Variants in GRAMD1B observed in about 807,000 individuals in gnomAD.
The protein encoded by GRAMD1B is GRAM domain containing 1B, also known as protein Aster-B.
In GRAMD1B, 37 loss-of-function variants were observed where a neutral mutation model predicts 99.7. The observed-to-expected ratio is 0.37, with a 90% confidence interval of 0.29 to 0.49. The LOEUF (loss-of-function observed/expected upper bound fraction) is 0.49. Ranked by LOEUF, GRAMD1B falls within the 20% of genes least tolerant of loss-of-function variation. The pLI is 0.98. For missense variants in GRAMD1B, 888 were observed against 1,009.2 expected (o/e 0.88, Z 1.63); for synonymous variants, 427 against 387.6 (o/e 1.10, Z -1.19).
At chr11:123,475,413 A>T (rs1035794251) in intron 1 of GRAMD1B, among the ~76,000 whole-genome samples, 2 of 152,206 alleles carry the variant, frequency 1.3e-5, no homozygotes, top group Non-Finnish European at 1.5e-5. Context: ...TCCCTCAGGA[A>T]TATCCCAGAA....
intron 2 of GRAMD1B, among the ~76,000 whole-genome samples, chr11:123,483,299 G>C (rs551861359): frequency 1.3e-5 from 2 of 152,242 alleles, no homozygotes; most frequent in South Asian, 2.1e-4. Context: ...TTCCAGGTGG[G>C]ACAGCAAGCG....
At chr11:123,428,081 T>C (rs1948715615), upstream of GRAMD1B, among the ~76,000 whole-genome samples, 1 of 152,214 alleles carries the variant, frequency 6.6e-6, no homozygotes, top group African/African-American at 2.4e-5. Context: ...CATCCTTTTG[T>C]GTTTTTGGCC....
chr11:123,561,933 G>A (rs1360316114), intron 2 of GRAMD1B, among the ~76,000 whole-genome samples: 1 of 152,212 alleles, frequency 6.6e-6, no homozygotes, highest in African/African-American at 2.4e-5. Context: ...AGTGCCCCGT[G>A]AGGATTGGGG....
At chr11:123,558,591 A>G (rs743632) in intron 2 of GRAMD1B, among the ~76,000 whole-genome samples, 23,046 of 152,238 alleles carry the variant, frequency 0.15, 1,859 homozygotes, top group Admixed American at 0.21. Flanking sequence ...CCAACAAGCA[A>G]TGCAACTCAG....
At chr11:123,582,986 A>ATG (rs372476049) in intron 3 of GRAMD1B, among the ~76,000 whole-genome samples, 54 of 151,964 alleles carry the variant, frequency 3.6e-4, no homozygotes, top group African/African-American at 1.1e-3. Context: ...GAGCTTAGGC[A>ATG]TGTGTGTGTG....
chr11:123,600,585 G>C, intron 8 of GRAMD1B, 37 bp downstream of exon 8: 2 of 1,322,414 alleles, frequency 1.5e-6, no homozygotes, highest in Non-Finnish European at 2.2e-6. Flanking sequence ...TGTGGGACTG[G>C]CTATCTCTAG....
At chr11:123,618,369 T>C in intron 17 of GRAMD1B, 1 of 1,611,480 alleles carries the variant, frequency 6.2e-7, no homozygotes, top group Non-Finnish European at 8.5e-7. Context: ...ACTGGCTCTA[T>C]GATTTCTCCT....
At chr11:123,358,910 A>G (rs2156442) in intron 1 of GRAMD1B, 142,020 of 152,458 alleles carry the variant, frequency 0.93, 66,284 homozygotes, top group East Asian at 1. Flanking sequence ...AGTGGGGGGT[A>G]GGGGTGCTGT....
chr11:123,464,137 T>TAA (rs753545078), intron 1 of GRAMD1B, among the ~76,000 whole-genome samples: 3 of 137,728 alleles, frequency 2.2e-5, no homozygotes, highest in Non-Finnish European at 1.6e-5. Flanking sequence ...ACCCCATTTC[T>TAA]AAAAAAAAAA....
chr11:123,559,763 G>A (rs1173860244), intron 2 of GRAMD1B: 1 of 840,156 alleles, frequency 1.2e-6, no homozygotes, highest in African/African-American at 1.8e-5. Context: ...GAGCATCCTG[G>A]AAGTCTGGGA....
rs112926352 is a variant in GRAMD1B at position 123,484,846 on chromosome 11, C to T, written c.452+3953C>T. Among the ~76,000 whole-genome samples the T allele has an allele frequency of 3.1e-4, 47 of 152,310 alleles. 2 individuals are homozygous for T. The highest frequency in any genetic ancestry group is 1.1e-3 in the African/African-American group (45 of 41,564). On this transcript the variant is annotated intron_variant, in intron 2 of 19. Transcript: ENST00000635736. Reference sequence around the variant, plus strand: ...GCTCAGAACTAACTTACGCTCTGCACCTAATTCTTCCTACCCAGTTAAGAG... The same window carrying T: ...GCTCAGAACTAACTTACGCTCTGCATCTAATTCTTCCTACCCAGTTAAGAG...
intron 17 of GRAMD1B, 139 bp downstream of exon 17, chr11:123,614,974 C>T (rs1476491549): frequency 1.8e-6 from 1 of 555,948 alleles, no homozygotes. Context: ...TCTTCTCTGT[C>T]TGGATTGGTT....
At chr11:123,583,757 AC>A (rs1949730149) in intron 3 of GRAMD1B, among the ~76,000 whole-genome samples, 1 of 151,346 alleles carries the variant, frequency 6.6e-6, no homozygotes, top group East Asian at 1.9e-4. Context: ...CCCACGCAGA[AC>A]CCCCAGGCAC....
At chr11:123,540,243 T>G (rs1345098593) in intron 2 of GRAMD1B, among the ~76,000 whole-genome samples, 1 of 151,880 alleles carries the variant, frequency 6.6e-6, no homozygotes, top group Non-Finnish European at 1.5e-5. Context: ...TTTGGTTGTT[T>G]TTTTTTTTGT....
At chr11:123,423,275 GA>G (rs796370043) in intron 1 of GRAMD1B, among the ~76,000 whole-genome samples, 31 of 145,578 alleles carry the variant, frequency 2.1e-4, no homozygotes, top group South Asian at 8.7e-4. Flanking sequence ...CAGATTAAAA[GA>G]AAAAAAAACC....
intron 1 of GRAMD1B, among the ~76,000 whole-genome samples, chr11:123,452,910 T>A (rs909302160): frequency 6.6e-6 from 1 of 152,140 alleles, no homozygotes; most frequent in Non-Finnish European, 1.5e-5. Flanking sequence ...GGTAGGGAAG[T>A]GAAAGTTCGG....
chr11:123,549,119 G>A (rs557469395), intron 2 of GRAMD1B, among the ~76,000 whole-genome samples: 116 of 152,290 alleles, frequency 7.6e-4, no homozygotes, highest in African/African-American at 2.4e-3. Flanking sequence ...GGCAGGGTTC[G>A]GCAGTGCACA....
At chr11:123,374,877 G>C (rs1369653538) in intron 1 of GRAMD1B, among the ~76,000 whole-genome samples, 1 of 152,198 alleles carries the variant, frequency 6.6e-6, no homozygotes, top group Non-Finnish European at 1.5e-5. Flanking sequence ...AAAAAGCAAA[G>C]TAGTCACAGA....
At chr11:123,611,748 T>C (rs1467482241) in intron 14 of GRAMD1B, among the ~76,000 whole-genome samples, 1 of 151,970 alleles carries the variant, frequency 6.6e-6, no homozygotes. Flanking sequence ...GGTTGTTGAG[T>C]TGGGGAGTGA....
Sources: allele counts gnomAD v4.1 joint callset (sites outside exome capture counted in the v4.1 genomes callset), GRCh38; gene constraint gnomAD v4.1.1; transcripts MANE v1.5; gene names NCBI Gene and HGNC (gene_info 2026-07-23, HGNC 2026-07-21).